Variants in UTS2B observed in about 807,000 individuals in gnomAD.
UTS2B encodes the protein urotensin 2B, also known as urotensin-2B.
Under a neutral mutation model 19.2 loss-of-function variants are expected in UTS2B, and 21 were observed. The observed-to-expected ratio is 1.09, with a 90% CI of 0.78 to 1.58. The LOEUF (loss-of-function observed/expected upper bound fraction) is 1.58. UTS2B is among the 40% of genes most tolerant of loss of function. The pLI, the probability that UTS2B is intolerant of heterozygous loss-of-function variation, is 0.00. For synonymous variants in UTS2B, 57 were observed against 50.2 expected (o/e 1.14, Z -0.58); for missense variants, 138 against 130.3 (o/e 1.06, Z -0.29).
At chr3:191,341,305 A>T in the UTS2B span, among the ~76,000 whole-genome samples, 3 of 152,180 alleles carry the variant, frequency 2.0e-5, no homozygotes, top group Non-Finnish European at 4.4e-5. Flanking sequence ...TGAGTAGCAG[A>T]TGCTTTCTTT....
chr3:191,330,755 G>A (rs1207765111), upstream of UTS2B, among the ~76,000 whole-genome samples: 1 of 152,134 alleles, frequency 6.6e-6, no homozygotes, highest in East Asian at 1.9e-4. Context: ...GACTCCGTTG[G>A]TCTTGTGTGT....
intron 2 of UTS2B, among the ~76,000 whole-genome samples, chr3:191,325,955 T>A (rs1438016615): frequency 6.6e-6 from 1 of 152,212 alleles, no homozygotes; most frequent in Non-Finnish European, 1.5e-5. Flanking sequence ...CTTAGAATAT[T>A]CATACAGTCT....
upstream of UTS2B, among the ~76,000 whole-genome samples, chr3:191,332,804 A>C (rs1223514194): frequency 1.3e-5 from 2 of 152,178 alleles, no homozygotes; most frequent in Non-Finnish European, 2.9e-5. Flanking sequence ...TTGCTCTCCA[A>C]GTTCCTGTAT....
At chr3:191,299,623 T>G (rs1716941392) in intron 4 of UTS2B, among the ~76,000 whole-genome samples, 1 of 152,268 alleles carries the variant, frequency 6.6e-6, no homozygotes, top group Admixed American at 6.5e-5. Flanking sequence ...CTGCAGTAGC[T>G]GAGCCCTCAT....
At chr3:191,288,990 C>T (rs1163287352) in intron 4 of UTS2B, among the ~76,000 whole-genome samples, 5 of 152,018 alleles carry the variant, frequency 3.3e-5, no homozygotes, top group Admixed American at 1.3e-4. Context: ...ATCTAAGAAA[C>T]TCAAACAAAT....
At chr3:191,307,826 C>A (rs376924921) in intron 3 of UTS2B, among the ~76,000 whole-genome samples, 1 of 88,266 alleles carries the variant, frequency 1.1e-5, no homozygotes, top group Non-Finnish European at 2.7e-5. Flanking sequence ...CTTTTCTTTT[C>A]GTTTTCTTCT....
chr3:191,307,136 A>G (rs1346743571), intron 3 of UTS2B, among the ~76,000 whole-genome samples: 1 of 152,216 alleles, frequency 6.6e-6, no homozygotes, highest in Non-Finnish European at 1.5e-5. Context: ...CAGTTTATTA[A>G]TGAATGCCTA....
intron 7 of UTS2B, among the ~76,000 whole-genome samples, chr3:191,275,597 G>A (rs146467626): frequency 0.078 from 11,824 of 151,958 alleles, 549 homozygotes; most frequent in Admixed American, 0.13. Context: ...GGAGAATGGC[G>A]TGAACCCAGG....
chr3:191,293,981 G>A (rs539463965), intron 4 of UTS2B, among the ~76,000 whole-genome samples: 5 of 151,756 alleles, frequency 3.3e-5, no homozygotes, highest in African/African-American at 4.9e-5. Flanking sequence ...GGTGACACAC[G>A]CCTGTAATCC....
intron 1 of UTS2B, chr3:191,329,809 T>C: frequency 7.0e-7 from 1 of 1,435,680 alleles, no homozygotes; most frequent in African/African-American, 1.4e-5. Flanking sequence ...CCATTTCGGC[T>C]CCCGCGGCCC....
intron 4 of UTS2B, among the ~76,000 whole-genome samples, chr3:191,302,115 GC>G (rs1005784631): frequency 4.6e-5 from 7 of 152,180 alleles, no homozygotes; most frequent in African/African-American, 1.7e-4. Context: ...CAATCGAAAA[GC>G]AGGCCAAAAC....
chr3:191,339,761 A>G, the UTS2B span, among the ~76,000 whole-genome samples: 359 of 152,350 alleles, frequency 2.4e-3, 3 homozygotes, highest in Middle Eastern at 6.8e-3. Context: ...GACTGATAAC[A>G]TGGTCTCCAT....
chr3:191,327,229 C>T (rs1019457574), intron 2 of UTS2B, among the ~76,000 whole-genome samples: 1 of 152,194 alleles, frequency 6.6e-6, no homozygotes, highest in African/African-American at 2.4e-5. Flanking sequence ...GGCGTGGTGG[C>T]TCGTGCCTGT....
intron 3 of UTS2B, among the ~76,000 whole-genome samples, chr3:191,309,420 G>A (rs904523666): frequency 2.6e-5 from 4 of 151,910 alleles, no homozygotes; most frequent in Admixed American, 6.6e-5. Context: ...TGATCTGCCC[G>A]CCTCAGCCTC....
intron 4 of UTS2B, among the ~76,000 whole-genome samples, chr3:191,298,641 A>G (rs1415016121): frequency 6.6e-6 from 1 of 152,184 alleles, no homozygotes; most frequent in African/African-American, 2.4e-5. Flanking sequence ...AGAATGGACT[A>G]ATACAGAAAA....
At chr3:191,309,620 G>A (rs1717235414) in intron 3 of UTS2B, among the ~76,000 whole-genome samples, 1 of 152,136 alleles carries the variant, frequency 6.6e-6, no homozygotes, top group Non-Finnish European at 1.5e-5. Flanking sequence ...GTGGGGTCTG[G>A]TGGGAGGTAA....
intron 5 of UTS2B, among the ~76,000 whole-genome samples, chr3:191,278,414 C>A (rs1006327644): frequency 6.6e-6 from 1 of 151,796 alleles, no homozygotes; most frequent in African/African-American, 2.4e-5. Context: ...TAAAGTTTTA[C>A]CTGTGATTAC....
intron 8 of UTS2B, among the ~76,000 whole-genome samples, chr3:191,270,663 TTTTC>T (rs897840970): frequency 6.6e-6 from 1 of 152,166 alleles, no homozygotes; most frequent in African/African-American, 2.4e-5. Flanking sequence ...TATAGTCATG[TTTTC>T]TTTAACAAAA....
At chr3:191,341,806 C>G in the UTS2B span, among the ~76,000 whole-genome samples, 1 of 152,204 alleles carries the variant, frequency 6.6e-6, no homozygotes, top group Admixed American at 6.5e-5. Context: ...ATGTGTAACT[C>G]CCTGTTACTT....
Sources: allele counts gnomAD v4.1 joint callset (sites outside exome capture counted in the v4.1 genomes callset), GRCh38; gene constraint gnomAD v4.1.1; transcripts MANE v1.5; gene names NCBI Gene and HGNC (gene_info 2026-07-23, HGNC 2026-07-21).